The following CDC14B variants were observed in gnomAD, a reference collection of about 807,000 sequenced individuals.
The protein encoded by CDC14B is dual specificity protein phosphatase CDC14B.
Under a neutral mutation model 64.2 loss-of-function variants are expected in CDC14B, and 22 were observed. The ratio of observed to expected loss-of-function variants is 0.34; its 90% CI spans 0.24 to 0.49. The LOEUF (loss-of-function observed/expected upper bound fraction) is 0.49. Ranked by LOEUF, CDC14B falls within the 20% of genes least tolerant of loss-of-function variation. CDC14B has a pLI of 0.99. For missense variants in CDC14B, 498 were observed against 629.9 expected, an observed-to-expected ratio of 0.79 and a Z score of 2.24; for synonymous variants, 191 against 215.8, an observed-to-expected ratio of 0.89 and a Z score of 1.01.
chr9:96,571,420 C>T (rs1168930748), intron 1 of CDC14B, among the ~76,000 whole-genome samples: 2 of 152,052 alleles, frequency 1.3e-5, no homozygotes, highest in Admixed American at 1.3e-4. Context: ...GTGATCCGCC[C>T]GCCTCGGCCT....
intron 12 of CDC14B, among the ~76,000 whole-genome samples, chr9:96,521,246 G>C (rs1278798731): frequency 6.6e-6 from 1 of 151,964 alleles, no homozygotes; most frequent in Non-Finnish European, 1.5e-5. Flanking sequence ...TGCCCGGCTA[G>C]TTTTTGTATT....
intron 6 of CDC14B, among the ~76,000 whole-genome samples, 157 bp from the exon 7 acceptor site, chr9:96,539,297 T>C (rs1225710046): frequency 6.6e-6 from 1 of 152,180 alleles, no homozygotes; most frequent in Non-Finnish European, 1.5e-5. Context: ...GTGGGCGGCG[T>C]CTTCTAAGTG....
At chr9:96,518,972 T>TA (rs1836212427) in intron 12 of CDC14B, among the ~76,000 whole-genome samples, 1 of 151,918 alleles carries the variant, frequency 6.6e-6, no homozygotes, top group African/African-American at 2.4e-5. Context: ...CTGTCTCTAC[T>TA]AAAAATACAA....
intron 12 of CDC14B, among the ~76,000 whole-genome samples, chr9:96,512,211 TA>T (rs61561306): frequency 1.0e-3 from 140 of 135,406 alleles, no homozygotes; most frequent in Middle Eastern, 4.0e-3. Context: ...AGACTTTGTA[TA>T]AAAAAAAAAA....
At chr9:96,559,441 C>T (rs1445386823) in intron 4 of CDC14B, among the ~76,000 whole-genome samples, 1 of 152,192 alleles carries the variant, frequency 6.6e-6, no homozygotes, top group African/African-American at 2.4e-5. Context: ...AAAACGTTAT[C>T]AAGGATGCGG....
intron 9 of CDC14B, among the ~76,000 whole-genome samples, chr9:96,527,318 G>A (rs1483787167): frequency 2.0e-5 from 3 of 152,146 alleles, no homozygotes; most frequent in Non-Finnish European, 2.9e-5. Flanking sequence ...AGAATGGCGT[G>A]AACCTGGGAG....
intron 5 of CDC14B, among the ~76,000 whole-genome samples, chr9:96,546,420 A>ATCT (rs147255537): frequency 0.051 from 7,790 of 151,466 alleles, 683 homozygotes; most frequent in African/African-American, 0.18. Context: ...TGGGAGGGAA[A>ATCT]TCTAGGAGAC....
intron 13 of CDC14B, among the ~76,000 whole-genome samples, chr9:96,508,649 C>A (rs764672864): frequency 2.0e-5 from 3 of 152,146 alleles, no homozygotes; most frequent in African/African-American, 4.8e-5. Flanking sequence ...CATCCCCATG[C>A]GAGTGTTAAG....
At chr9:96,579,727 T>C (rs1166417656) in intron 1 of CDC14B, among the ~76,000 whole-genome samples, 1 of 152,164 alleles carries the variant, frequency 6.6e-6, no homozygotes, top group Non-Finnish European at 1.5e-5. Context: ...GCTGGCTCCT[T>C]GTTCTTGGCC....
intron 1 of CDC14B, among the ~76,000 whole-genome samples, chr9:96,613,270 T>C (rs1340411926): frequency 6.6e-6 from 1 of 152,254 alleles, no homozygotes; most frequent in Non-Finnish European, 1.5e-5. Flanking sequence ...GTCACTTGTG[T>C]GCATCAATGC....
chr9:96,583,833 C>T (rs981801800), intron 1 of CDC14B, among the ~76,000 whole-genome samples: 11 of 152,200 alleles, frequency 7.2e-5, no homozygotes, highest in Non-Finnish European at 1.3e-4. Flanking sequence ...ATTCTCCTGC[C>T]TCAGCCTTCC....
In CDC14B at chr9:96,613,185, G is replaced by A. The variant is rs189664950; in HGVS notation, c.160+6034C>T. On this transcript the variant is annotated intron_variant, in intron 1 of 13. Coordinates refer to ENST00000375241, the MANE Select transcript of CDC14B (RefSeq NM_033331.4). ...TTCACAGGGGAATGTGGAGGGTTTTGATCTCTTGAAATTCTTTCCCCTGTC... is the reference window on the plus strand; with the variant it reads ...TTCACAGGGGAATGTGGAGGGTTTTAATCTCTTGAAATTCTTTCCCCTGTC... Among the ~76,000 whole-genome samples, 35 of 152,264 alleles carry A rather than the reference G, an allele frequency of 2.3e-4. No individual in the cohort carries two copies. In the East Asian group the frequency reaches 6.0e-3, roughly 26 times the overall value.
chr9:96,519,829 CACTA>C (rs1297266833), intron 12 of CDC14B, among the ~76,000 whole-genome samples: 3 of 151,588 alleles, frequency 2.0e-5, no homozygotes, highest in African/African-American at 7.3e-5. Flanking sequence ...GTGTATTTCT[CACTA>C]ACTTTCCTTC....
Position 96,523,249 on chromosome 9 carries a change from C to T in CDC14B, c.1245+12G>A, listed in dbSNP as rs553340743. 59 of 1,613,402 alleles carry T rather than the reference C, an allele frequency of 3.7e-5. No homozygotes were observed. The highest frequency in any genetic ancestry group is 2.0e-4 in the East Asian group (9 of 44,870). ...AGCAGTAACAACATCGCAACAGAAA[C>T]GGCTTGATTACCGGTTCGGGTTCTT... On this transcript the variant is annotated intron_variant, in intron 11 of 13. Transcript: ENST00000375241.
chr9:96,583,948 G>A (rs1376950207), intron 1 of CDC14B, among the ~76,000 whole-genome samples: 1 of 151,926 alleles, frequency 6.6e-6, no homozygotes, highest in African/African-American at 2.4e-5. Flanking sequence ...TCGATCTCCT[G>A]ACCTCGTGAT....
intron 1 of CDC14B, among the ~76,000 whole-genome samples, chr9:96,573,682 T>C (rs1479410782): frequency 2.6e-5 from 4 of 152,196 alleles, no homozygotes; most frequent in Non-Finnish European, 5.9e-5. Flanking sequence ...TTACATGTAA[T>C]AAACTACATG....
At chr9:96,523,232 C>A in intron 11 of CDC14B, 29 bp downstream of exon 11, 1 of 1,611,744 alleles carries the variant, frequency 6.2e-7, no homozygotes, top group Non-Finnish European at 8.5e-7. Flanking sequence ...AAAGCAGTAA[C>A]AACATCGCAA....
At position 96,515,794 on chromosome 9, in the gene CDC14B, TGGAAAGGGG is replaced by T; in HGVS notation, c.1344-6014_1344-6006del. On this transcript the variant is annotated intron_variant, in intron 12 of 13. Coordinates refer to ENST00000375241, the MANE Select transcript of CDC14B (RefSeq NM_033331.4). This position sits in a 1 kb window ranked among gnomAD's most constrained non-coding sequence, Gnocchi z 4.3. ...GAGGTCAGCACAGCTAGGGGACATCTGGAAAGGGGTGAAGGGGAAAGAACAGATGTTCAA... is the reference window on the plus strand; with the variant it reads ...GAGGTCAGCACAGCTAGGGGACATCTTGAAGGGGAAAGAACAGATGTTCAA... The T allele has an allele frequency of 6.3e-7, 1 of 1,587,872 alleles. No homozygotes were observed. The highest frequency in any genetic ancestry group is 2.3e-5 in the East Asian group (1 of 43,996).
Position 96,565,393 on chromosome 9 carries a change from T to C in CDC14B, c.251A>G (p.Asn84Ser), listed in dbSNP as rs1843766489. ...AAATCTTTTAAAGAGCAATACTTACTTCTCATATTCAAGTTCATTATCTAT... is the reference window on the plus strand; with the variant it reads ...AAATCTTTTAAAGAGCAATACTTACCTCTCATATTCAAGTTCATTATCTAT... ...FSIDNELEYE[N>S]FYADFGPLNL... The change falls in exon 2 of 14, where the codon AAC (asparagine) becomes AGC (serine). Residue 84 changes from asparagine (N) to serine (S), a missense_variant and splice_region_variant. Physicochemically the swap from Asn to Ser is conservative, Grantham distance 46. Transcript: ENST00000375241. 1.3e-6 allele frequency: 2 copies of C among 1,560,724 alleles called. No individual in the cohort carries two copies. Among genetic ancestry groups the C allele is most frequent in the African/African-American group, 1.4e-5 (1 of 73,912 alleles).
Sources: allele counts gnomAD v4.1 joint callset (sites outside exome capture counted in the v4.1 genomes callset), GRCh38; gene constraint gnomAD v4.1.1; non-coding constraint Gnocchi (gnomAD v3.1); transcripts MANE v1.5; gene names NCBI Gene and HGNC (gene_info 2026-07-23, HGNC 2026-07-21).